LNX2: variants seen among roughly 807,000 people sequenced by gnomAD.
The protein encoded by LNX2 is ligand of Numb protein X 2.
A neutral mutation model predicts 66.2 loss-of-function variants in LNX2; 35 were observed. That is an observed-to-expected ratio of 0.53 (90% confidence interval 0.40 to 0.70). LNX2 has a LOEUF of 0.70. Among genes scored for constraint, LNX2 ranks in the 30% least tolerant of loss-of-function variants. LNX2 has a pLI of 0.00. For synonymous variants in LNX2, 337 were observed against 315.6 expected (o/e 1.07, Z -0.72); for missense variants, 791 against 850.8 (o/e 0.93, Z 0.87).
intron 1 of LNX2, among the ~76,000 whole-genome samples, chr13:27,584,349 G>C (rs1222961265): frequency 6.7e-6 from 1 of 149,262 alleles, no homozygotes; most frequent in Non-Finnish European, 1.5e-5. Context: ...TCAGGAGTTC[G>C]AGACTAGCCT....
chr13:27,591,542 A>G (rs1047577845), intron 1 of LNX2, among the ~76,000 whole-genome samples: 6 of 152,192 alleles, frequency 3.9e-5, no homozygotes, highest in Admixed American at 2.0e-4. Flanking sequence ...ACTATATTGA[A>G]AAGCAAACTA....
intron 1 of LNX2, among the ~76,000 whole-genome samples, chr13:27,618,236 A>G (rs1955848144): frequency 6.6e-6 from 1 of 152,102 alleles, no homozygotes; most frequent in Admixed American, 6.5e-5. Context: ...ACACCACGTC[A>G]TTTCTCCTTC....
rs1955527716 is a variant in LNX2 at position 27,589,674 on chromosome 13, CT to C, written c.-100-7872del. Among the ~76,000 whole-genome samples, 3 of 152,094 alleles carry C rather than the reference CT, an allele frequency of 2.0e-5. No individual in the cohort carries two copies. In the South Asian group the frequency reaches 6.2e-4, roughly 31 times the overall value. ...GCAAAAACCAAACTGGGTTACCTGC[CT>C]GATTCCTACACTGAAGACAGTTATA... On this transcript the variant is annotated intron_variant, in intron 1 of 9. Coordinates refer to ENST00000316334, the MANE Select transcript of LNX2 (RefSeq NM_153371.4).
chr13:27,581,645 T>G lies in LNX2; in HGVS notation c.59A>C (p.Asn20Thr), dbSNP rs1350547043. ...SVEQTSSSSL[N>T]PLCFECGQQH... ...TTGGCCACATTCAAAACACAGGGGG[T>G]TTAGAGAAGAGGAGGAGGTCTGTTC... The change falls in exon 2 of 10, where the codon AAC (asparagine) becomes ACC (threonine). Residue 20 changes from asparagine to threonine, a missense_variant. Coordinates refer to ENST00000316334, the MANE Select transcript of LNX2 (RefSeq NM_153371.4). 6.2e-7 allele frequency: 1 copy of G among 1,613,888 alleles called. No homozygotes were observed. The highest frequency in any genetic ancestry group is 1.3e-5 in the African/African-American group (1 of 75,030).
chr13:27,583,297 G>C (rs1732448438), intron 1 of LNX2, among the ~76,000 whole-genome samples: 1 of 124,118 alleles, frequency 8.1e-6, no homozygotes, highest in East Asian at 2.4e-4. Context: ...AGTTCGATCT[G>C]TTGCCCGGCT....
At chr13:27,584,182 T>C (rs907102034) in intron 1 of LNX2, among the ~76,000 whole-genome samples, 3 of 152,170 alleles carry the variant, frequency 2.0e-5, no homozygotes, top group African/African-American at 7.2e-5. Context: ...GCATTTCTAT[T>C]TCAATAACAA....
In LNX2 at chr13:27,550,511, T is replaced by A. The variant is rs1397721327; in HGVS notation, c.1779-20A>T. On this transcript the variant is annotated intron_variant, in intron 8 of 9. Transcript: ENST00000316334. ...AGTGTGCTATAAACAAACAGAAAAA[T>A]AAAGAAAAAATTAACATGGAGGCTT... The A allele has an allele frequency of 6.3e-7, 1 of 1,582,782 alleles. No individual in the cohort carries two copies. Among genetic ancestry groups the A allele is most frequent in the Non-Finnish European group, 8.6e-7 (1 of 1,166,078 alleles).
intron 4 of LNX2, among the ~76,000 whole-genome samples, chr13:27,563,940 G>A (rs1955172748): frequency 6.6e-6 from 1 of 152,090 alleles, no homozygotes; most frequent in Admixed American, 6.5e-5. Context: ...CAAGTCCTTG[G>A]TAAAAGTATT....
intron 1 of LNX2, among the ~76,000 whole-genome samples, chr13:27,616,144 A>G (rs916437295): frequency 6.8e-5 from 6 of 88,058 alleles, no homozygotes; most frequent in African/African-American, 2.9e-4. Flanking sequence ...TTTGGTCCAG[A>G]AAGGTGGGAC....
At chr13:27,571,422 T>C (rs1296126691) in intron 2 of LNX2, among the ~76,000 whole-genome samples, 1 of 152,166 alleles carries the variant, frequency 6.6e-6, no homozygotes. Context: ...AATATATGCA[T>C]TCTAGAAAAA....
intron 5 of LNX2, among the ~76,000 whole-genome samples, chr13:27,561,757 T>A (rs759606630): frequency 2.6e-5 from 4 of 152,238 alleles, no homozygotes; most frequent in Non-Finnish European, 5.9e-5. Flanking sequence ...TGCACCCTTA[T>A]CACTGTAGAA....
intron 1 of LNX2, among the ~76,000 whole-genome samples, chr13:27,612,117 C>T (rs575588520): frequency 6.6e-6 from 1 of 152,348 alleles, no homozygotes; most frequent in South Asian, 2.1e-4. Flanking sequence ...AGCAGATCAT[C>T]TCATTTCCTC....
At chr13:27,555,738 A>G (rs1353133038) in intron 7 of LNX2, among the ~76,000 whole-genome samples, 2 of 152,196 alleles carry the variant, frequency 1.3e-5, no homozygotes, top group South Asian at 2.1e-4. Flanking sequence ...AACTAAGTCA[A>G]TGGAGACTGC....
Position 27,581,449 on chromosome 13 carries a change from C to T in LNX2, c.255G>A (p.Pro85=), listed in dbSNP as rs574936903. 44 of 1,610,588 alleles carry T rather than the reference C, an allele frequency of 2.7e-5. No individual in the cohort carries two copies. In the East Asian group the frequency reaches 5.8e-4, roughly 21 times the overall value. ...TAAAATGAAGTCTTTTCCGGTCCAA[C>T]GGACAGAAATCTTTCTCTTGTAAAA... ...RNFLQEKDFC[P]LDRKRLHFKL... The change falls in exon 2 of 10, where the codon CCG becomes CCA. Residue 85 remains proline (P), a synonymous_variant. Coordinates refer to ENST00000316334, the MANE Select transcript of LNX2 (RefSeq NM_153371.4).
chr13:27,597,792 C>T (rs1289729287), intron 1 of LNX2, among the ~76,000 whole-genome samples: 1 of 151,950 alleles, frequency 6.6e-6, no homozygotes, highest in African/African-American at 2.4e-5. Context: ...AGAAGAAAAG[C>T]GGGTAAGAAA....
At chr13:27,551,377 C>T (rs1955005898) in intron 8 of LNX2, among the ~76,000 whole-genome samples, 1 of 151,608 alleles carries the variant, frequency 6.6e-6, no homozygotes, top group Non-Finnish European at 1.5e-5. Flanking sequence ...TGCCAGATTG[C>T]AGGATGTGTC....
At chr13:27,600,769 A>T (rs1192641022) in intron 1 of LNX2, among the ~76,000 whole-genome samples, 1 of 152,174 alleles carries the variant, frequency 6.6e-6, no homozygotes, top group African/African-American at 2.4e-5. Flanking sequence ...TTGCCAACAA[A>T]TGCCCCAGAA....
chr13:27,582,656 C>G (rs887020171), intron 1 of LNX2, among the ~76,000 whole-genome samples: 7 of 152,086 alleles, frequency 4.6e-5, no homozygotes. Context: ...AAACCAAACA[C>G]CACATGTTCT....
At chr13:27,583,162 G>GAGC (rs1460812941) in intron 1 of LNX2, among the ~76,000 whole-genome samples, 1 of 146,814 alleles carries the variant, frequency 6.8e-6, no homozygotes, top group African/African-American at 2.5e-5. Context: ...TGCTTACTCA[G>GAGC]AGCAGCAGTG....
Sources: gnomAD v4.1 joint callset for allele counts (sites outside exome capture counted in the v4.1 genomes callset) on GRCh38, gnomAD v4.1.1 for gene constraint, MANE v1.5 for transcripts, NCBI Gene and HGNC (gene_info 2026-07-23, HGNC 2026-07-21) for gene names.